MDH1: variants seen among roughly 807,000 people sequenced by gnomAD.
MDH1 encodes malate dehydrogenase 1, also known as malate dehydrogenase, cytoplasmic.
Under a neutral mutation model 38.7 loss-of-function variants are expected in MDH1, and 15 were observed. The observed-to-expected ratio is 0.39, with a 90% confidence interval of 0.26 to 0.60. The LOEUF is 0.60. Ranked by LOEUF, MDH1 falls within the 20% of genes least tolerant of loss-of-function variation. The pLI, the probability that MDH1 is intolerant of heterozygous loss-of-function variation, is 0.56. For missense variants in MDH1, 368 were observed against 405.2 expected (o/e 0.91, Z 0.79); for synonymous variants, 144 against 143.6 (o/e 1.00, Z -0.02).
rs935166631 is a variant in MDH1 at position 63,599,473 on chromosome 2, C to A, written c.498+181C>A. The A allele has an allele frequency of 7.9e-6, 4 of 507,112 alleles. No individual in the cohort carries two copies. In the East Asian group the frequency reaches 1.7e-4, roughly 21 times the overall value. 31.4% of individuals were successfully genotyped at this position (507,112 alleles called of 1,614,324 possible). On this transcript the variant is annotated intron_variant, in intron 5 of 8. Transcript: ENST00000233114. The stretch of plus-strand genomic sequence containing the variant: ...TTGTTAGGGAGTCTTTAAATGTATT[C>A]TCTTAAAGGACCAGAGGCTGGACTT...
At chr2:63,593,696 A>C (rs1558858942) in intron 1 of MDH1, 4 of 471,344 alleles carry the variant, frequency 8.5e-6, no homozygotes, top group South Asian at 6.2e-5. Flanking sequence ...GGTTCACCTT[A>C]ACTGAATTTT....
At position 63,599,083 on chromosome 2, in the gene MDH1, C is replaced by T. The variant is rs1709372681; in HGVS notation, c.376-87C>T. On this transcript the variant is annotated intron_variant, in intron 4 of 8. Coordinates refer to ENST00000233114, the MANE Select transcript of MDH1 (RefSeq NM_005917.4). Reference sequence around the variant, plus strand: ...CAAGCCTCCCCTGTACAAAGGCTACCTGTTAGACATTTTCAGTCAAATTTT... The same window carrying T: ...CAAGCCTCCCCTGTACAAAGGCTACTTGTTAGACATTTTCAGTCAAATTTT... 5 of 1,385,322 alleles carry T rather than the reference C, an allele frequency of 3.6e-6. No homozygotes were observed. The African/African-American group carries it at 5.8e-5, about 16-fold the overall frequency. The allele number at this position is 1,385,322 out of a possible 1,614,324, so 85.8% of individuals were successfully genotyped here.
Position 63,604,726 on chromosome 2 carries a change from G to C in MDH1, c.529G>C (p.Asp177His). The stretch of plus-strand genomic sequence containing the variant: ...TCTTAAACTTGGTGTGACTGCTAAT[G>C]ATGTAAAGAATGTCATTATCTGGGG... ...IALKLGVTAN[D>H]VKNVIIWGNH... Residue 177 changes from aspartate to histidine, a missense_variant, in exon 6 of 9, where the codon GAT becomes CAT. Transcript: ENST00000233114. 6.2e-7 allele frequency: 1 copy of C among 1,614,056 alleles called. No individual in the cohort carries two copies. Among genetic ancestry groups the C allele is most frequent in the Non-Finnish European group, 8.5e-7 (1 of 1,179,972 alleles).
intron 7 of MDH1, 27 bp downstream of exon 7, chr2:63,605,420 C>G (rs1411856929): frequency 2.7e-6 from 4 of 1,474,822 alleles, no homozygotes; most frequent in South Asian, 1.1e-5. Flanking sequence ...TTGCACAGGT[C>G]ACTCTATTTT....
chr2:63,602,511 C>T (rs1245429456), intron 5 of MDH1, among the ~76,000 whole-genome samples: 1 of 152,078 alleles, frequency 6.6e-6, no homozygotes, highest in Non-Finnish European at 1.5e-5. Context: ...CTACACAATA[C>T]TATTAACTAG....
At position 63,599,289 on chromosome 2, in the gene MDH1, TC is replaced by T; in HGVS notation, c.496del (p.Gln166LysfsTer8). The T allele has an allele frequency of 6.2e-7, 1 of 1,609,658 alleles. No individual in the cohort carries two copies. Among genetic ancestry groups the T allele is most frequent in the African/African-American group, 1.3e-5 (1 of 74,866 alleles). ...TRLDHNRAKA[Q>X]IALKLGVTAN... ...GTTTGGATCACAACCGAGCTAAAGC[TC>T]AAGTAAGAAAAATATATTTTAAATC... On this transcript the variant is annotated frameshift_variant and splice_region_variant, in exon 5 of 9. Coordinates refer to ENST00000233114, the MANE Select transcript of MDH1 (RefSeq NM_005917.4). LOFTEE classifies it high-confidence loss of function.
At chr2:63,594,716 T>C (rs372320261) in intron 2 of MDH1, 130 bp downstream of exon 2, 6 of 661,416 alleles carry the variant, frequency 9.1e-6, no homozygotes, top group Admixed American at 2.8e-5. Context: ...AATAGGCACA[T>C]TGCTATAAAT....
At chr2:63,597,884 T>C (rs994615799) in intron 4 of MDH1, 19 of 172,982 alleles carry the variant, frequency 1.1e-4, no homozygotes, top group South Asian at 1.0e-3. Context: ...GGAATATTTA[T>C]TTAGACATTT....
Position 63,606,150 on chromosome 2 carries a change from G to A in MDH1, c.879+122G>A, listed in dbSNP as rs1218832074. 4.2e-5 allele frequency: 39 copies of A among 935,110 alleles called. No homozygotes were observed. The East Asian group carries it at 9.5e-4, about 23-fold the overall frequency. The allele number at this position is 935,110 out of a possible 1,614,324, so 57.9% of individuals were successfully genotyped here. On this transcript the variant is annotated intron_variant, in intron 8 of 8. Coordinates refer to ENST00000233114, the MANE Select transcript of MDH1 (RefSeq NM_005917.4). ...TAATCCCAACACTTTGGAAGGGCAA[G>A]GTGGCAAGATTGCTTGAGCCCAGGA...
intron 3 of MDH1, among the ~76,000 whole-genome samples, chr2:63,596,757 T>A (rs898732999): frequency 1.3e-5 from 2 of 152,238 alleles, no homozygotes; most frequent in African/African-American, 4.8e-5. Flanking sequence ...CGATGACTTA[T>A]GTTCTTTAGT....
intron 5 of MDH1, among the ~76,000 whole-genome samples, chr2:63,602,547 T>C (rs939680680): frequency 2.0e-5 from 3 of 152,134 alleles, no homozygotes; most frequent in African/African-American, 7.2e-5. Flanking sequence ...ACCAGTTTTA[T>C]ATTCACTTAT....
Position 63,607,074 on chromosome 2 carries a change from C to T in MDH1, c.*87C>T, listed in dbSNP as rs1047432109. ...AGTACCAAATAATAATAATGCTATA[C>T]TTAAATTACTTGTGAAAAACAACAC... On this transcript the variant is annotated 3_prime_UTR_variant, in exon 9 of 9. Coordinates refer to ENST00000233114, the MANE Select transcript of MDH1 (RefSeq NM_005917.4). The T allele has an allele frequency of 3.9e-6, 5 of 1,282,294 alleles. No individual in the cohort carries two copies. The highest frequency in any genetic ancestry group is 3.0e-5 in the African/African-American group (2 of 66,446). The allele number at this position is 1,282,294 out of a possible 1,614,324, so 79.4% of individuals were successfully genotyped here. A position where few individuals can be genotyped will look rare whatever the true frequency, so the allele number is the denominator to read the frequency against.
chr2:63,594,272 A>G (rs1340048678), intron 1 of MDH1: 2 of 650,504 alleles, frequency 3.1e-6, no homozygotes, highest in South Asian at 1.4e-5. Context: ...ATGTAAGTAA[A>G]TCCAGGATAA....
intron 5 of MDH1, among the ~76,000 whole-genome samples, chr2:63,600,553 T>A (rs1000523680): frequency 9.8e-5 from 15 of 152,344 alleles, no homozygotes; most frequent in African/African-American, 3.6e-4. Flanking sequence ...TTATGAGGAT[T>A]AAATAAGATC....
intron 1 of MDH1, among the ~76,000 whole-genome samples, chr2:63,592,204 C>T (rs1413336545): frequency 6.6e-6 from 1 of 152,122 alleles, no homozygotes; most frequent in East Asian, 1.9e-4. Flanking sequence ...AATGAGAAAA[C>T]AGTTCATCAG....
chr2:63,601,020 G>A (rs1011420629), intron 5 of MDH1, among the ~76,000 whole-genome samples: 17 of 152,178 alleles, frequency 1.1e-4, no homozygotes, highest in African/African-American at 4.1e-4. Flanking sequence ...GAGATACTTT[G>A]TCCTGGTGCC....
chr2:63,593,964 T>C (rs1709253178), intron 1 of MDH1, among the ~76,000 whole-genome samples: 1 of 152,232 alleles, frequency 6.6e-6, no homozygotes, highest in Non-Finnish European at 1.5e-5. Context: ...TGTCACTACA[T>C]GTTGCTGTTG....
intron 5 of MDH1, among the ~76,000 whole-genome samples, chr2:63,601,797 T>G (rs986144923): frequency 1.3e-5 from 2 of 152,206 alleles, no homozygotes; most frequent in Non-Finnish European, 2.9e-5. Context: ...AAGCAGACAT[T>G]CAGGGAAGTT....
At chr2:63,605,647 A>G (rs761155666) in intron 7 of MDH1, among the ~76,000 whole-genome samples, 1 of 152,160 alleles carries the variant, frequency 6.6e-6, no homozygotes, top group Non-Finnish European at 1.5e-5. Context: ...CACCTGGCAC[A>G]ATGCCTGATA....
Sources: allele counts gnomAD v4.1 joint callset (sites outside exome capture counted in the v4.1 genomes callset), GRCh38; gene constraint gnomAD v4.1.1; transcripts MANE v1.5; gene names NCBI Gene and HGNC (gene_info 2026-07-23, HGNC 2026-07-21).